The following ADGRA3 variants were observed in gnomAD, a reference collection of about 807,000 sequenced individuals.
ADGRA3 encodes the protein adhesion G protein-coupled receptor A3.
Under a neutral mutation model 119.8 loss-of-function variants are expected in ADGRA3, and 56 were observed. That is an observed-to-expected ratio of 0.47 (90% confidence interval 0.38 to 0.58). The LOEUF (loss-of-function observed/expected upper bound fraction) is 0.58, where lower values mean the gene tolerates loss of function less well. Ranked by LOEUF, ADGRA3 falls within the 20% of genes least tolerant of loss-of-function variation. The pLI is 0.00. For missense variants in ADGRA3, 1,516 were observed against 1,649.0 expected (o/e 0.92, Z 1.40); for synonymous variants, 607 against 623.8 (o/e 0.97, Z 0.40).
intron 5 of ADGRA3, 34 bp downstream of exon 5, chr4:22,447,406 A>C (rs1716869064): frequency 2.4e-6 from 1 of 416,320 alleles, no homozygotes; most frequent in Non-Finnish European, 3.6e-6. Context: ...CATGAAAATC[A>C]AAAAAAAAAA....
intron 1 of ADGRA3, among the ~76,000 whole-genome samples, chr4:22,497,335 T>C (rs1197602346): frequency 1.3e-5 from 2 of 151,770 alleles, no homozygotes; most frequent in Non-Finnish European, 1.5e-5. Context: ...GTATACACAG[T>C]CATCAAGGAC....
At chr4:22,408,299 G>C (rs1289470877) in intron 14 of ADGRA3, among the ~76,000 whole-genome samples, 1 of 151,564 alleles carries the variant, frequency 6.6e-6, no homozygotes. Flanking sequence ...CCAAGAAATT[G>C]TACTTCAGAA....
chr4:22,505,582 G>A (rs1185328449), intron 1 of ADGRA3, among the ~76,000 whole-genome samples: 1 of 151,626 alleles, frequency 6.6e-6, no homozygotes, highest in African/African-American at 2.4e-5. Context: ...GGGAGACGGA[G>A]GTTGCAGTGA....
At chr4:22,512,748 G>A (rs1027394672) in intron 1 of ADGRA3, among the ~76,000 whole-genome samples, 1 of 152,136 alleles carries the variant, frequency 6.6e-6, no homozygotes, top group African/African-American at 2.4e-5. Flanking sequence ...AGAGAGCATG[G>A]CCCTGCTAAT....
chr4:22,452,230 G>A (rs538704395), intron 4 of ADGRA3, among the ~76,000 whole-genome samples: 10 of 152,146 alleles, frequency 6.6e-5, no homozygotes, highest in African/African-American at 2.4e-4. Flanking sequence ...CAATAGGAAT[G>A]ATAGACAGTG....
At chr4:22,410,486 C>T (rs912731006) in intron 14 of ADGRA3, among the ~76,000 whole-genome samples, 9 of 151,860 alleles carry the variant, frequency 5.9e-5, no homozygotes, top group Admixed American at 5.2e-4. Flanking sequence ...TTCTTTATGT[C>T]GCATTTTTTA....
intron 5 of ADGRA3, among the ~76,000 whole-genome samples, chr4:22,447,045 G>T (rs60554878): frequency 0.98 from 149,123 of 152,056 alleles, 73,188 homozygotes; most frequent in Non-Finnish European, 1. Context: ...AGTGGGGGGG[G>T]GGGTTTACAG....
In ADGRA3 at chr4:22,388,235, A is replaced by C. The variant is rs765136152; in HGVS notation, c.3436T>G (p.Ser1146Ala). 1.9e-6 allele frequency: 3 copies of C among 1,613,984 alleles called. No individual in the cohort carries two copies. In the Admixed American group the frequency reaches 5.0e-5, roughly 27 times the overall value. The change falls in exon 19 of 19, where the codon TCA becomes GCA. Residue 1146 changes from serine (S) to alanine (A), a missense_variant. Around this residue, in one of 2 missense-constraint regions of ADGRA3, gnomAD observed 1,088 missense variants for 1,107.1 expected, o/e 0.98. Transcript: ENST00000334304. Reference sequence around the variant, plus strand: ...TGCATTTTAATATCATTGTCCATTGAATGTTCTGTCAGACTATTATCAAGC... The same window carrying C: ...TGCATTTTAATATCATTGTCCATTGCATGTTCTGTCAGACTATTATCAAGC... ...PQLDNSLTEH[S>A]MDNDIKMHVA... is the part of the protein sequence containing the mutation.
intron 1 of ADGRA3, among the ~76,000 whole-genome samples, chr4:22,504,255 A>G (rs1368554841): frequency 6.6e-6 from 1 of 152,200 alleles, no homozygotes; most frequent in Non-Finnish European, 1.5e-5. Context: ...AAAAGACAAA[A>G]AATGTAAGTT....
chr4:22,498,987 C>T (rs1010802657), intron 1 of ADGRA3, among the ~76,000 whole-genome samples: 1 of 152,002 alleles, frequency 6.6e-6, no homozygotes, highest in African/African-American at 2.4e-5. Flanking sequence ...CCAACACAGG[C>T]ATTAGCCCTA....
At chr4:22,429,362 T>C (rs1716068150) in intron 10 of ADGRA3, among the ~76,000 whole-genome samples, 1 of 152,146 alleles carries the variant, frequency 6.6e-6, no homozygotes, top group Non-Finnish European at 1.5e-5. Context: ...AATGCATCAC[T>C]GAGAAGTAGG....
chr4:22,388,755 A>G lies in ADGRA3; in HGVS notation c.2916T>C (p.His972=). 1 of 1,614,028 alleles carries G rather than the reference A, an allele frequency of 6.2e-7. No individual in the cohort carries two copies. The highest frequency in any genetic ancestry group is 8.5e-7 in the Non-Finnish European group (1 of 1,179,932). Residue 972 remains histidine, a synonymous_variant, in exon 19 of 19, where the codon CAT becomes CAC. Coordinates refer to ENST00000334304, the MANE Select transcript of ADGRA3 (RefSeq NM_145290.4). ...TCAGAGACAAAGACATTGAATCCTG[A>G]TGATTTATTTCGCCATTTTCATTGG... The part of the protein sequence containing the change: ...LAANENGEIN[H]QDSMSLSLIS...
At chr4:22,438,839 T>C (rs754162107) in intron 7 of ADGRA3, among the ~76,000 whole-genome samples, 1 of 151,996 alleles carries the variant, frequency 6.6e-6, no homozygotes, top group Non-Finnish European at 1.5e-5. Context: ...CTAAAAATAT[T>C]TTTAAAAGTT....
At chr4:22,444,907 T>C (rs1716771555) in intron 6 of ADGRA3, 66 bp downstream of exon 6, 7 of 1,501,738 alleles carry the variant, frequency 4.7e-6, no homozygotes, top group Non-Finnish European at 6.5e-6. Flanking sequence ...TTACAATTTG[T>C]CAAGAAAAAC....
intron 2 of ADGRA3, among the ~76,000 whole-genome samples, chr4:22,469,304 T>C (rs1384247298): frequency 6.6e-6 from 1 of 152,216 alleles, no homozygotes; most frequent in Non-Finnish European, 1.5e-5. Context: ...TCATTTATTG[T>C]CTATTTTCTC....
chr4:22,434,150 A>ACATAAATATGTAATAT (rs1716300231), intron 10 of ADGRA3, among the ~76,000 whole-genome samples: 2 of 147,736 alleles, frequency 1.4e-5, no homozygotes, highest in African/African-American at 4.9e-5. Flanking sequence ...ATATATCTAT[A>ACATAAATATGTAATAT]TTAGATACAT....
chr4:22,509,303 C>T (rs757925513), intron 1 of ADGRA3, among the ~76,000 whole-genome samples: 20 of 151,918 alleles, frequency 1.3e-4, no homozygotes, highest in Non-Finnish European at 2.8e-4. Flanking sequence ...CAGTTCAAGA[C>T]CAGCCTAGCC....
chr4:22,438,726 C>A (rs1050136454), intron 7 of ADGRA3, among the ~76,000 whole-genome samples: 1 of 152,082 alleles, frequency 6.6e-6, no homozygotes, highest in Non-Finnish European at 1.5e-5. Context: ...CTTTACAGAA[C>A]AGGAATGGCA....
At chr4:22,392,712 A>G (rs199589152) in intron 16 of ADGRA3, 22 bp from the exon 17 acceptor site, 10 of 1,588,290 alleles carry the variant, frequency 6.3e-6, no homozygotes, top group Non-Finnish European at 8.5e-7. Flanking sequence ...ATCAAAGAAT[A>G]AATAAAAGAA....
Sources: allele counts gnomAD v4.1 joint callset (sites outside exome capture counted in the v4.1 genomes callset), GRCh38; gene constraint gnomAD v4.1.1; regional missense constraint gnomAD v4.1.1; transcripts MANE v1.5; gene names NCBI Gene and HGNC (gene_info 2026-07-23, HGNC 2026-07-21).